The following INPP4B variants were observed in gnomAD, a reference collection of about 807,000 sequenced individuals.
INPP4B encodes inositol polyphosphate 4-phosphatase type II.
INPP4B carries 55 observed loss-of-function variants against 122.5 expected under a neutral mutation model. The observed-to-expected ratio is 0.45, with a 90% CI of 0.36 to 0.56. INPP4B has a LOEUF of 0.56. Among genes scored for constraint, INPP4B ranks in the 20% least tolerant of loss-of-function variants. The pLI, the probability that INPP4B is intolerant of heterozygous loss-of-function variation, is 0.00. For missense variants in INPP4B, 1,000 were observed against 1,097.7 expected, an observed-to-expected ratio of 0.91 and a Z score of 1.26; for synonymous variants, 403 against 388.7, an observed-to-expected ratio of 1.04 and a Z score of -0.43.
chr4:142,415,795 C>T (rs1016270507), intron 5 of INPP4B, among the ~76,000 whole-genome samples: 3 of 152,116 alleles, frequency 2.0e-5, no homozygotes, highest in Non-Finnish European at 4.4e-5. Flanking sequence ...AAATGTGGCA[C>T]ATATACACCA....
chr4:142,679,733 G>A (rs1394015116), intron 2 of INPP4B, among the ~76,000 whole-genome samples: 1 of 151,662 alleles, frequency 6.6e-6, no homozygotes, highest in Non-Finnish European at 1.5e-5. Flanking sequence ...CTAGCAGAGA[G>A]TACTCTCTAT....
intron 1 of INPP4B, among the ~76,000 whole-genome samples, chr4:142,740,568 TA>T (rs1767758894): frequency 6.6e-6 from 1 of 152,024 alleles, no homozygotes; most frequent in Admixed American, 6.6e-5. Flanking sequence ...TTACTAACAC[TA>T]GGATCTTGGA....
At chr4:142,691,507 C>T (rs562105811) in intron 2 of INPP4B, among the ~76,000 whole-genome samples, 69 of 151,896 alleles carry the variant, frequency 4.5e-4, no homozygotes, top group Non-Finnish European at 8.8e-4. Context: ...AAGAAAACCA[C>T]TGAAAAAAAT....
intron 1 of INPP4B, among the ~76,000 whole-genome samples, chr4:142,730,473 T>C (rs995810926): frequency 3.3e-5 from 5 of 152,208 alleles, no homozygotes; most frequent in African/African-American, 1.2e-4. Context: ...AGCTGCCACG[T>C]TGTTCTATCC....
intron 25 of INPP4B, 164 bp from the exon 26 acceptor site, chr4:142,029,078 C>T: frequency 7.2e-7 from 1 of 1,390,928 alleles, no homozygotes; most frequent in Non-Finnish European, 9.3e-7. Flanking sequence ...AAATTAAATC[C>T]TAGGCCAGGC....
chr4:142,400,455 T>G (rs1273898633), intron 7 of INPP4B, among the ~76,000 whole-genome samples: 2 of 152,220 alleles, frequency 1.3e-5, no homozygotes, highest in Admixed American at 1.3e-4. Flanking sequence ...TGCTTATAAT[T>G]ATAAGCTGTA....
At chr4:142,606,709 T>C (rs1396436262) in intron 2 of INPP4B, among the ~76,000 whole-genome samples, 3 of 152,004 alleles carry the variant, frequency 2.0e-5, no homozygotes, top group Non-Finnish European at 4.4e-5. Flanking sequence ...GTGCTAAAAT[T>C]CCATGAGGAA....
chr4:142,125,517 A>G (rs911111665), intron 18 of INPP4B, among the ~76,000 whole-genome samples: 1 of 152,008 alleles, frequency 6.6e-6, no homozygotes, highest in African/African-American at 2.4e-5. Context: ...ATTTCCTTAA[A>G]CTTATCTTGT....
At chr4:142,144,062 C>G (rs1449897064) in intron 18 of INPP4B, among the ~76,000 whole-genome samples, 1 of 151,984 alleles carries the variant, frequency 6.6e-6, no homozygotes. Context: ...AATTCTACTT[C>G]TGCAGCAACT....
intron 2 of INPP4B, among the ~76,000 whole-genome samples, chr4:142,645,625 C>T (rs1025795322): frequency 6.6e-6 from 1 of 152,110 alleles, no homozygotes; most frequent in African/African-American, 2.4e-5. Context: ...TATTTTTAGC[C>T]CACGAGGCAG....
rs1270881205 is a variant in INPP4B at position 142,277,678 on chromosome 4, CACAT to C, written c.504-6908_504-6905del. ...ATAAAGAAAATATCATACACACACA[CACAT>C]ACACACACACACACACACACACACA... On this transcript the variant is annotated intron_variant, in intron 9 of 25. Coordinates refer to ENST00000262992, the MANE Select transcript of INPP4B (RefSeq NM_001101669.3). 9.1e-4 allele frequency among the ~76,000 whole-genome samples: 73 copies of C among 80,504 alleles called. 1 individual carries two copies. Among genetic ancestry groups the C allele is most frequent in the African/African-American group, 2.2e-3 (64 of 29,308 alleles). 52.8% of individuals were successfully genotyped at this position (80,504 alleles called of 152,430 possible).
intron 7 of INPP4B, among the ~76,000 whole-genome samples, chr4:142,338,234 CTTTAT>C (rs36205368): frequency 0.26 from 39,339 of 151,626 alleles, 5,383 homozygotes; most frequent in East Asian, 0.46. Context: ...TACTTGGCAA[CTTTAT>C]TTTATTTTAT....
chr4:142,426,044 C>T (rs981173844), intron 5 of INPP4B, among the ~76,000 whole-genome samples: 11 of 152,112 alleles, frequency 7.2e-5, no homozygotes, highest in Admixed American at 2.6e-4. Context: ...AACACATATG[C>T]AAACATATGC....
chr4:142,186,362 C>A (rs1833214626), intron 15 of INPP4B, among the ~76,000 whole-genome samples: 1 of 152,156 alleles, frequency 6.6e-6, no homozygotes. Flanking sequence ...GGTAATCTGA[C>A]TAATGTCACA....
intron 7 of INPP4B, among the ~76,000 whole-genome samples, chr4:142,342,653 A>G (rs1341675094): frequency 6.6e-6 from 1 of 152,202 alleles, no homozygotes; most frequent in Non-Finnish European, 1.5e-5. Context: ...TTAAATTAAA[A>G]TAACAGAGAA....
rs1809266816 is a variant in INPP4B, at chr4:142,431,424, A to T, written c.-126-39T>A. On this transcript the variant is annotated intron_variant, in intron 3 of 25. Coordinates refer to ENST00000262992, the MANE Select transcript of INPP4B (RefSeq NM_001101669.3). ...AAAGTTAAAATTTCAGTCATATTGG[A>T]GTTCAGTATAAAGCTAAAAAGTAAA... 1.5e-5 allele frequency: 9 copies of T among 608,448 alleles called. No homozygotes were observed. In the South Asian group the frequency reaches 1.6e-4, roughly 11 times the overall value. 37.7% of individuals were successfully genotyped at this position (608,448 alleles called of 1,614,324 possible). A position where few individuals can be genotyped will look rare whatever the true frequency, so the allele number is the denominator to read the frequency against.
chr4:142,541,856 C>A (rs1828982128), intron 2 of INPP4B, among the ~76,000 whole-genome samples: 1 of 152,248 alleles, frequency 6.6e-6, no homozygotes, highest in African/African-American at 2.4e-5. Flanking sequence ...CCCCAGTGCC[C>A]AGCTCCTGCA....
rs182759287 is a variant in INPP4B at position 142,291,336 on chromosome 4, C to A, written c.503+14122G>T. Among the ~76,000 whole-genome samples, 3 of 152,246 alleles carry A rather than the reference C, an allele frequency of 2.0e-5. No individual in the cohort carries two copies. The East Asian group carries it at 5.8e-4, about 29-fold the overall frequency. ...ACATAATTGACGTACAAAGAAAGAT[C>A]GACTTTCTGAAGTGATGTGTCTAAC... On this transcript the variant is annotated intron_variant, in intron 9 of 25. Coordinates refer to ENST00000262992, the MANE Select transcript of INPP4B (RefSeq NM_001101669.3).
chr4:142,336,541 C>A (rs1776651416), intron 7 of INPP4B, among the ~76,000 whole-genome samples: 1 of 152,220 alleles, frequency 6.6e-6, no homozygotes, highest in African/African-American at 2.4e-5. Flanking sequence ...CTGTAATATG[C>A]CCCCACTATT....
Sources: gnomAD v4.1 joint callset for allele counts (sites outside exome capture counted in the v4.1 genomes callset) on GRCh38, gnomAD v4.1.1 for gene constraint, MANE v1.5 for transcripts, NCBI Gene and HGNC (gene_info 2026-07-23, HGNC 2026-07-21) for gene names.